GATA6: variants seen among roughly 807,000 people sequenced by gnomAD.
GATA6 encodes GATA binding protein 6, also known as transcription factor GATA-6.
A neutral mutation model predicts 48.1 loss-of-function variants in GATA6; 11 were observed. The ratio of observed to expected loss-of-function variants is 0.23; its 90% CI spans 0.14 to 0.38. The LOEUF (loss-of-function observed/expected upper bound fraction) is 0.38. GATA6 is among the 10% of genes least tolerant of loss of function. GATA6 has a pLI of 1.00. For synonymous variants in GATA6, 419 were observed against 396.1 expected (o/e 1.06, Z -0.69); for missense variants, 795 against 850.3 (o/e 0.93, Z 0.81).
intron 6 of GATA6, among the ~76,000 whole-genome samples, chr18:22,199,440 C>T (rs1348744107): frequency 1.3e-5 from 2 of 152,094 alleles, no homozygotes; most frequent in Non-Finnish European, 2.9e-5. Context: ...ATGATTATGG[C>T]GAAATTTTTC....
chr18:22,174,864 C>G (rs1055579995), intron 2 of GATA6, among the ~76,000 whole-genome samples: 1 of 152,094 alleles, frequency 6.6e-6, no homozygotes. Context: ...CTCTCGCTGA[C>G]TGGGTAGATG....
chr18:22,189,011 G>T (rs561681684), intron 6 of GATA6, among the ~76,000 whole-genome samples: 1 of 152,342 alleles, frequency 6.6e-6, no homozygotes, highest in African/African-American at 2.4e-5. Flanking sequence ...TAGGCTGAGA[G>T]ATAGAGACTT....
chr18:22,191,168 A>G (rs1426530884), intron 6 of GATA6, among the ~76,000 whole-genome samples: 1 of 151,984 alleles, frequency 6.6e-6, no homozygotes, highest in African/African-American at 2.4e-5. Flanking sequence ...AGCTTTAAAT[A>G]GTTTGTAACA....
At chr18:22,188,269 T>C (rs373503734) in intron 6 of GATA6, among the ~76,000 whole-genome samples, 12 of 152,294 alleles carry the variant, frequency 7.9e-5, no homozygotes, top group African/African-American at 2.9e-4. Flanking sequence ...TGGAATTGTT[T>C]AAAACATGGA....
chr18:22,179,698 C>T (rs1034102393), intron 3 of GATA6, among the ~76,000 whole-genome samples: 20 of 152,184 alleles, frequency 1.3e-4, no homozygotes, highest in African/African-American at 4.6e-4. Flanking sequence ...AAAAGAAAAG[C>T]CTGGATGTGT....
intron 3 of GATA6, among the ~76,000 whole-genome samples, chr18:22,179,835 G>A (rs886168994): frequency 1.3e-5 from 2 of 152,192 alleles, no homozygotes; most frequent in Admixed American, 6.5e-5. Flanking sequence ...TAGAAATGTT[G>A]TAGTGCTAAA....
chr18:22,170,192 C>T lies in GATA6; in HGVS notation c.-38+510C>T, dbSNP rs2033013791. On this transcript the variant is annotated intron_variant, in intron 1 of 6. Transcript: ENST00000269216. This position sits in a 1 kb window ranked among gnomAD's most constrained non-coding sequence, Gnocchi z 6.7. Reference sequence around the variant, plus strand: ...CGGTCTCACGCTCCCCCCTCCCCAGCCCGTTGCGTTCCCCCTCCTTTTCTC... The same window carrying T: ...CGGTCTCACGCTCCCCCCTCCCCAGTCCGTTGCGTTCCCCCTCCTTTTCTC... 6.6e-6 allele frequency among the ~76,000 whole-genome samples: 1 copy of T among 152,182 alleles called. No homozygotes were observed. Among genetic ancestry groups the T allele is most frequent in the South Asian group, 2.1e-4 (1 of 4,830 alleles).
chr18:22,170,252 G>A lies in GATA6; in HGVS notation c.-38+570G>A, dbSNP rs2033014963. ...CTCCACCCCGCTACGTCCGATTCCG[G>A]AACGGTCCGGCGTTTCTGCTGCTGG... On this transcript the variant is annotated intron_variant, in intron 1 of 6. Transcript: ENST00000269216. The surrounding 1 kb of genome is among the most constrained non-coding windows in gnomAD (Gnocchi z 6.7). 6.6e-6 allele frequency among the ~76,000 whole-genome samples: 1 copy of A among 152,204 alleles called. No individual in the cohort carries two copies. The highest frequency in any genetic ancestry group is 1.5e-5 in the Non-Finnish European group (1 of 68,026).
chr18:22,183,239 CTTAA>C (rs1179522850), intron 6 of GATA6, among the ~76,000 whole-genome samples, 196 bp downstream of exon 6: 4 of 152,170 alleles, frequency 2.6e-5, no homozygotes, highest in Non-Finnish European at 4.4e-5. Context: ...TTACAAACCT[CTTAA>C]TTAAGATCGG....
Position 22,171,449 on chromosome 18 carries a change from C to T in GATA6, c.305C>T (p.Pro102Leu). The T allele has an allele frequency of 6.3e-7, 1 of 1,596,186 alleles. No individual in the cohort carries two copies. The highest frequency in any genetic ancestry group is 1.1e-5 in the South Asian group (1 of 90,488). The change falls in exon 2 of 7, where the codon CCC becomes CTC. Residue 102 changes from proline (P) to leucine (L), a missense_variant. Physicochemically the swap from Pro to Leu is moderately conservative, Grantham distance 98. This residue lies in a region of GATA6 where 591 missense variants were observed against 570.0 expected (regional missense o/e 1.04). Transcript: ENST00000269216. This position sits in a 1 kb window ranked among gnomAD's most constrained non-coding sequence, Gnocchi z 7.1. ...CCTTCGGCGCCTGGGGTCGCGGGCC[C>T]CGGGGGCAACCTGTCGAGCTGGGAG... is the stretch of plus-strand genomic sequence containing the variant. ...HGPSAPGVAG[P>L]GGNLSSWEDL...
At chr18:22,196,448 A>G (rs1294199763) in intron 6 of GATA6, among the ~76,000 whole-genome samples, 2 of 152,188 alleles carry the variant, frequency 1.3e-5, no homozygotes, top group African/African-American at 2.4e-5. Flanking sequence ...GTTGAAAAAG[A>G]GTCAGTGAGT....
intron 2 of GATA6, among the ~76,000 whole-genome samples, chr18:22,173,652 A>G (rs1335387490): frequency 6.6e-6 from 1 of 152,146 alleles, no homozygotes. Context: ...GCGCTGCAAG[A>G]CTTGGTCTCA....
chr18:22,195,025 G>C (rs2033373317), intron 6 of GATA6, among the ~76,000 whole-genome samples: 1 of 152,136 alleles, frequency 6.6e-6, no homozygotes, highest in Non-Finnish European at 1.5e-5. Flanking sequence ...AATTAGCCGA[G>C]TGTAGTGGTG....
chr18:22,171,568 G>T lies in GATA6; in HGVS notation c.424G>T (p.Glu142Ter), dbSNP rs1411724536. 1 of 1,602,582 alleles carries T rather than the reference G, an allele frequency of 6.2e-7. No homozygotes were observed. ...CGCCAAGCTGAGCCCCTTCGCACCC[G>T]AGCAGCCGGAGGAGATGTACCAGAC... ...RGAKLSPFAP[E>*]QPEEMYQTLA... The change falls in exon 2 of 7, where the codon GAG becomes TAG. Residue 142 changes from glutamate to a stop codon, truncating the protein, a stop_gained. Transcript: ENST00000269216. LOFTEE classifies it high-confidence loss of function. This position sits in a 1 kb window ranked among gnomAD's most constrained non-coding sequence, Gnocchi z 7.1.
In GATA6 at chr18:22,171,454, G is replaced by A. The variant is rs778509273; in HGVS notation, c.310G>A (p.Gly104Ser). The A allele has an allele frequency of 1.9e-6, 3 of 1,597,440 alleles. No individual in the cohort carries two copies. Among genetic ancestry groups the A allele is most frequent in the South Asian group, 2.2e-5 (2 of 90,656 alleles). Residue 104 changes from glycine to serine, a missense_variant, in exon 2 of 7, where the codon GGC (glycine) becomes AGC (serine). Transcript: ENST00000269216. This position sits in a 1 kb window ranked among gnomAD's most constrained non-coding sequence, Gnocchi z 7.1. ...GGCGCCTGGGGTCGCGGGCCCCGGG[G>A]GCAACCTGTCGAGCTGGGAGGACTT... ...PSAPGVAGPGGNLSSWEDLLL... is the reference protein window; with the variant it reads ...PSAPGVAGPGSNLSSWEDLLL...
rs562588574 is a variant in GATA6 at position 22,172,111 on chromosome 18, TACCACCACCACCACC to T, written c.984_998del (p.His329_His333del). On this transcript the variant is annotated inframe_deletion, in exon 2 of 7. Coordinates refer to ENST00000269216, the MANE Select transcript of GATA6 (RefSeq NM_005257.6). This position sits in a 1 kb window ranked among gnomAD's most constrained non-coding sequence, Gnocchi z 5.2. ...GGCCGCGCGGCCGCTGAACGGGACG[TACCACCACCACCACC>T]ACCACCACCACCACCATCCGAGCCC... 6 of 1,463,660 alleles carry T rather than the reference TACCACCACCACCACC, an allele frequency of 4.1e-6. No homozygotes were observed. Among genetic ancestry groups the T allele is most frequent in the Non-Finnish European group, 5.4e-6 (6 of 1,104,526 alleles). 90.7% of individuals were successfully genotyped at this position (1,463,660 alleles called of 1,614,324 possible). A position where few individuals can be genotyped will look rare whatever the true frequency, so the allele number is the denominator to read the frequency against.
At chr18:22,174,847 T>C (rs2033100637) in intron 2 of GATA6, among the ~76,000 whole-genome samples, 2 of 152,036 alleles carry the variant, frequency 1.3e-5, no homozygotes, top group South Asian at 4.2e-4. Flanking sequence ...AAACCCACAC[T>C]ATGCACCTCT....
intron 3 of GATA6, among the ~76,000 whole-genome samples, chr18:22,178,859 A>G (rs1469523521): frequency 6.6e-6 from 1 of 152,252 alleles, no homozygotes; most frequent in Non-Finnish European, 1.5e-5. Context: ...TAGACAACAC[A>G]TGAACAATGA....
intron 6 of GATA6, among the ~76,000 whole-genome samples, chr18:22,195,384 C>T (rs961559841): frequency 6.6e-6 from 1 of 152,126 alleles, no homozygotes; most frequent in African/African-American, 2.4e-5. Flanking sequence ...ACTTTCTGAT[C>T]CCATGAAGGT....
Sources: allele counts gnomAD v4.1 joint callset (sites outside exome capture counted in the v4.1 genomes callset), GRCh38; gene constraint gnomAD v4.1.1; regional missense constraint gnomAD v4.1.1; non-coding constraint Gnocchi (gnomAD v3.1); transcripts MANE v1.5; gene names NCBI Gene and HGNC (gene_info 2026-07-23, HGNC 2026-07-21).